The following PRSS12 variants were observed in gnomAD, a reference collection of about 807,000 sequenced individuals.
PRSS12 encodes the protein neurotrypsin.
A neutral mutation model predicts 104.4 loss-of-function variants in PRSS12; 85 were observed. The ratio of observed to expected loss-of-function variants is 0.81; its 90% CI spans 0.68 to 0.98. The LOEUF is 0.98. Among genes scored for constraint, PRSS12 ranks in the 50% least tolerant of loss-of-function variants. The probability of loss-of-function intolerance (pLI) is 0.00; values close to 1 mark genes in which losing one functional copy is unlikely to be tolerated. For synonymous variants in PRSS12, 454 were observed against 425.2 expected, an observed-to-expected ratio of 1.07 and a Z score of -0.83; for missense variants, 1,141 against 1,139.2, an observed-to-expected ratio of 1.00 and a Z score of -0.02.
intron 8 of PRSS12, among the ~76,000 whole-genome samples, chr4:118,299,403 G>A (rs28502314): frequency 3.3e-3 from 509 of 152,174 alleles, no homozygotes; most frequent in African/African-American, 0.011. Context: ...TTTTTAGGCC[G>A]GGCACGTTGG....
At chr4:118,288,346 CA>C (rs1454475477) in intron 11 of PRSS12, among the ~76,000 whole-genome samples, 6 of 152,128 alleles carry the variant, frequency 3.9e-5, no homozygotes, top group African/African-American at 1.4e-4. Flanking sequence ...TGTGTATTAC[CA>C]AAGGCTATGT....
intron 8 of PRSS12, among the ~76,000 whole-genome samples, chr4:118,306,197 A>C (rs1187917682): frequency 6.6e-6 from 1 of 152,174 alleles, no homozygotes; most frequent in Non-Finnish European, 1.5e-5. Context: ...AACAGTGTGC[A>C]TAAGGGTTTC....
intron 3 of PRSS12, among the ~76,000 whole-genome samples, chr4:118,334,810 G>C (rs551782355): frequency 1.3e-5 from 2 of 152,304 alleles, no homozygotes; most frequent in East Asian, 1.9e-4. Flanking sequence ...GATACCATGA[G>C]AGTATGGTGG....
chr4:118,300,000 T>A (rs1415051275), intron 8 of PRSS12, among the ~76,000 whole-genome samples: 1 of 149,482 alleles, frequency 6.7e-6, no homozygotes, highest in Non-Finnish European at 1.5e-5. Context: ...AGAAGTACAA[T>A]TTTTTATATT....
intron 9 of PRSS12, 100 bp from the exon 10 acceptor site, chr4:118,295,956 A>C: frequency 9.0e-7 from 1 of 1,109,688 alleles, no homozygotes; most frequent in Admixed American, 1.9e-5. Flanking sequence ...TCTATGTCAA[A>C]ATCCCTTTTC....
At chr4:118,288,770 A>G (rs1387352083) in intron 11 of PRSS12, among the ~76,000 whole-genome samples, 1 of 152,250 alleles carries the variant, frequency 6.6e-6, no homozygotes. Flanking sequence ...TAGAATAGAA[A>G]GCAAAAATTA....
chr4:118,283,921 G>A (rs1742954498), intron 11 of PRSS12, among the ~76,000 whole-genome samples: 1 of 152,076 alleles, frequency 6.6e-6, no homozygotes, highest in African/African-American at 2.4e-5. Flanking sequence ...ATAGTGTTGT[G>A]CCATTAATTA....
chr4:118,282,298 A>T lies in PRSS12; in HGVS notation c.2321-55T>A, dbSNP rs1742901488. ...ATTCCAGATAACCATCGCAACATTT[A>T]ACAGTTACTGAGCATGTAATAGTTA... On this transcript the variant is annotated intron_variant, in intron 12 of 12. Transcript: ENST00000296498. 3 of 1,595,960 alleles carry T rather than the reference A, an allele frequency of 1.9e-6. No homozygotes were observed. In the African/African-American group the frequency reaches 4.0e-5, roughly 21 times the overall value.
At chr4:118,351,826 G>T (rs1724513744) in intron 1 of PRSS12, among the ~76,000 whole-genome samples, 1 of 152,118 alleles carries the variant, frequency 6.6e-6, no homozygotes, top group African/African-American at 2.4e-5. Context: ...TCCAGAACAA[G>T]TAATTATGCC....
In PRSS12 at chr4:118,316,318, C is replaced by A. The variant is rs761497960; in HGVS notation, c.1156G>T (p.Val386Phe). 2.5e-6 allele frequency: 4 copies of A among 1,613,978 alleles called. No homozygotes were observed. The highest frequency in any genetic ancestry group is 3.4e-6 in the Non-Finnish European group (4 of 1,179,984). The stretch of plus-strand genomic sequence containing the variant: ...CCTTTCCCACCTGCAAGTCTGATGA[C>A]CCCATCTGTGATAAAGAGGAGACAC... ...GVSCTPLTDG[V>F]IRLAGGKGSH... Residue 386 changes from valine (V) to phenylalanine (F), a missense_variant, in exon 6 of 13, where the codon GTC (valine) becomes TTC (phenylalanine). Val to Phe is a conservative substitution (Grantham distance 50, BLOSUM62 -1). Transcript: ENST00000296498.
Position 118,331,756 on chromosome 4 carries a change from C to T in PRSS12, c.931G>A (p.Asp311Asn). Residue 311 changes from aspartate to asparagine, a missense_variant, in exon 4 of 13, where the codon GAT (aspartate) becomes AAT (asparagine). Asp to Asn is a conservative substitution (Grantham distance 23). Coordinates refer to ENST00000296498, the MANE Select transcript of PRSS12 (RefSeq NM_003619.4). ...CTGCAGATCACTTCTGCATCGGCAT[C>T]ATCCCATTGGTCATCACAAACGGTT... ...WGTVCDDQWDDADAEVICRQL... is the reference protein window; with the variant it reads ...WGTVCDDQWDNADAEVICRQL... The T allele has an allele frequency of 6.2e-7, 1 of 1,614,208 alleles. No individual in the cohort carries two copies. Among genetic ancestry groups the T allele is most frequent in the Non-Finnish European group, 8.5e-7 (1 of 1,180,036 alleles).
chr4:118,303,128 C>T (rs905356252), intron 8 of PRSS12: 1 of 151,358 alleles, frequency 6.6e-6, no homozygotes, highest in African/African-American at 2.4e-5. Context: ...AAGTATGTTT[C>T]AGTATGTTTG....
chr4:118,299,024 T>C, intron 8 of PRSS12, 86 bp from the exon 9 acceptor site: 1 of 1,415,182 alleles, frequency 7.1e-7, no homozygotes, highest in Non-Finnish European at 9.8e-7. Flanking sequence ...TTTTATTCCT[T>C]AATTTTTACA....
chr4:118,339,961 G>C (rs1364399341), intron 1 of PRSS12, among the ~76,000 whole-genome samples: 1 of 152,062 alleles, frequency 6.6e-6, no homozygotes, highest in Non-Finnish European at 1.5e-5. Context: ...AAGTTACTCA[G>C]GTCAAAAGGG....
chr4:118,302,666 A>G (rs1743429552), intron 8 of PRSS12, among the ~76,000 whole-genome samples: 1 of 152,160 alleles, frequency 6.6e-6, no homozygotes, highest in Admixed American at 6.5e-5. Context: ...GCCTCGAGAG[A>G]TCTGCCCGCC....
rs1560791974 is a variant in PRSS12, at chr4:118,352,696, C to CT, written c.24dup (p.Ala9SerfsTer14). On this transcript the variant is annotated frameshift_variant, in exon 1 of 13. Transcript: ENST00000296498. LOFTEE classifies it high-confidence loss of function. ...TCGGGGAGCGCCCCTAACATCAGGG[C>CT]TAGCACGAAGCGGGCGAGCGTCATG... 1.2e-6 allele frequency: 2 copies of CT among 1,613,168 alleles called. No homozygotes were observed. The highest frequency in any genetic ancestry group is 2.7e-5 in the African/African-American group (2 of 75,004).
At position 118,335,489 on chromosome 4, in the gene PRSS12, C is replaced by T. The variant is rs535801422; in HGVS notation, c.804G>A (p.Thr268=). The change falls in exon 3 of 13, where the codon ACG becomes ACA. Residue 268 remains threonine, a synonymous_variant. Coordinates refer to ENST00000296498, the MANE Select transcript of PRSS12 (RefSeq NM_003619.4). ...VCPQKMAAAV[T]CSFSHGPTFP... ...TTTTTTTACCATGGGAAAAGCTACA[C>T]GTGACAGCAGCTGCCATCTTCTGAG... is the stretch of plus-strand genomic sequence containing the variant. The T allele has an allele frequency of 2.2e-5, 35 of 1,613,824 alleles. No individual in the cohort carries two copies. Among genetic ancestry groups the T allele is most frequent in the Admixed American group, 1.3e-4 (8 of 59,974 alleles).
At chr4:118,316,089 A>T in intron 6 of PRSS12, 93 bp downstream of exon 6, 1 of 1,390,034 alleles carries the variant, frequency 7.2e-7, no homozygotes, top group Middle Eastern at 2.0e-4. Context: ...AGGTATTTTT[A>T]TTATTATAAA....
Position 118,331,703 on chromosome 4 carries a change from A to G in PRSS12, c.971+13T>C. 1.2e-6 allele frequency: 2 copies of G among 1,614,110 alleles called. No homozygotes were observed. Among genetic ancestry groups the G allele is most frequent in the South Asian group, 1.1e-5 (1 of 91,076 alleles). On this transcript the variant is annotated intron_variant, in intron 4 of 12. Transcript: ENST00000296498. The stretch of plus-strand genomic sequence containing the variant: ...TCAAAAGTTTAAGCAAAACAAGAGT[A>G]GTAAAAACAAACCTGAGGCCCAGCT...
Sources: allele counts gnomAD v4.1 joint callset (sites outside exome capture counted in the v4.1 genomes callset), GRCh38; gene constraint gnomAD v4.1.1; transcripts MANE v1.5; gene names NCBI Gene and HGNC (gene_info 2026-07-23, HGNC 2026-07-21).